Variants in DCAF1 observed in about 807,000 individuals in gnomAD.
DCAF1 encodes the protein DDB1- and CUL4-associated factor 1.
DCAF1 carries 15 observed loss-of-function variants against 128.0 expected under a neutral mutation model. The ratio of observed to expected loss-of-function variants is 0.12; its 90% CI spans 0.08 to 0.18. The LOEUF is 0.18. DCAF1 is among the 10% of genes least tolerant of loss of function. The pLI is 1.00. For synonymous variants in DCAF1, 610 were observed against 603.0 expected, an observed-to-expected ratio of 1.01 and a Z score of -0.17; for missense variants, 988 against 1,649.5, an observed-to-expected ratio of 0.60 and a Z score of 6.95.
intron 24 of DCAF1, among the ~76,000 whole-genome samples, chr3:51,402,117 TAACTAG>T (rs2089746435): frequency 6.6e-6 from 1 of 152,076 alleles, no homozygotes; most frequent in Non-Finnish European, 1.5e-5. Context: ...TAATGGGAAA[TAACTAG>T]AAGAACTGGA....
At chr3:51,497,416 G>A (rs575088060) in intron 1 of DCAF1, among the ~76,000 whole-genome samples, 294 of 151,734 alleles carry the variant, frequency 1.9e-3, no homozygotes, top group Non-Finnish European at 2.4e-3. Flanking sequence ...GTGAAACCCC[G>A]TGTCTACTAA....
chr3:51,498,351 C>T (rs1274651322), intron 1 of DCAF1, among the ~76,000 whole-genome samples: 1 of 144,532 alleles, frequency 6.9e-6, no homozygotes, highest in African/African-American at 2.6e-5. Flanking sequence ...CAGAATGAGA[C>T]GCTGTCTCAA....
chr3:51,495,971 GC>G (rs1708191198), intron 2 of DCAF1, among the ~76,000 whole-genome samples: 1 of 150,304 alleles, frequency 6.7e-6, no homozygotes, highest in African/African-American at 2.5e-5. Context: ...TCCAGCCAGA[GC>G]AAAAGTGCGA....
At chr3:51,445,132 TAATAC>T (rs1164319032) in intron 6 of DCAF1, among the ~76,000 whole-genome samples, 1 of 152,000 alleles carries the variant, frequency 6.6e-6, no homozygotes, top group Non-Finnish European at 1.5e-5. Context: ...TAAAAATAAA[TAATAC>T]ATTAAATTTT....
intron 2 of DCAF1, among the ~76,000 whole-genome samples, chr3:51,493,354 A>G (rs1394503269): frequency 6.6e-6 from 1 of 152,106 alleles, no homozygotes; most frequent in East Asian, 1.9e-4. Context: ...CTGAGGCAGG[A>G]GAACCGCTTG....
Position 51,483,846 on chromosome 3 carries a change from C to T in DCAF1, c.-8-10G>A, listed in dbSNP as rs782154479. On this transcript the variant is annotated splice_polypyrimidine_tract_variant and intron_variant, in intron 2 of 24. Transcript: ENST00000684031. ...GTAGTCATGGCTTTGCCTAAGGAAG[C>T]AAAAATAAAAATAAAAAAGACAACC... 2.7e-5 allele frequency: 43 copies of T among 1,566,586 alleles called. No individual in the cohort carries two copies. The African/African-American group carries it at 5.2e-4, about 19-fold the overall frequency.
chr3:51,406,126 G>T (rs1029828046), intron 23 of DCAF1, among the ~76,000 whole-genome samples: 2 of 151,826 alleles, frequency 1.3e-5, no homozygotes, highest in Admixed American at 6.6e-5. Flanking sequence ...GGCAGATCAC[G>T]AGGTAAGGAG....
chr3:51,426,708 A>G (rs1311967040), intron 13 of DCAF1, among the ~76,000 whole-genome samples: 5 of 152,206 alleles, frequency 3.3e-5, no homozygotes, highest in African/African-American at 1.2e-4. Flanking sequence ...CAAACTTACT[A>G]TATTCCCCTA....
At chr3:51,485,619 G>C (rs782793200) in intron 2 of DCAF1, among the ~76,000 whole-genome samples, 8 of 152,302 alleles carry the variant, frequency 5.3e-5, no homozygotes, top group Non-Finnish European at 1.0e-4. Flanking sequence ...ATTCCATAAA[G>C]AGTTTCACAT....
chr3:51,457,883 A>C (rs1324827495), intron 6 of DCAF1, among the ~76,000 whole-genome samples: 1 of 152,218 alleles, frequency 6.6e-6, no homozygotes, highest in Non-Finnish European at 1.5e-5. Flanking sequence ...TGTCACCACC[A>C]GGCCTGCCTT....
chr3:51,417,967 A>C (rs1699049288), intron 17 of DCAF1, 149 bp downstream of exon 17: 2 of 994,324 alleles, frequency 2.0e-6, no homozygotes, highest in African/African-American at 1.6e-5. Context: ...AAGTCTTATT[A>C]AACATGAGTC....
chr3:51,410,817 T>G (rs1251509842), intron 23 of DCAF1, among the ~76,000 whole-genome samples: 1 of 152,236 alleles, frequency 6.6e-6, no homozygotes, highest in Non-Finnish European at 1.5e-5. Flanking sequence ...TCCCCGGTCC[T>G]GTGATGCCAC....
At chr3:51,409,059 G>A (rs1165726908) in intron 23 of DCAF1, among the ~76,000 whole-genome samples, 1 of 152,116 alleles carries the variant, frequency 6.6e-6, no homozygotes, top group Non-Finnish European at 1.5e-5. Flanking sequence ...TCACGCTGAG[G>A]CAGCCTCTTG....
At chr3:51,410,586 T>TATTA (rs1698313536) in intron 23 of DCAF1, among the ~76,000 whole-genome samples, 1 of 152,208 alleles carries the variant, frequency 6.6e-6, no homozygotes, top group African/African-American at 2.4e-5. Context: ...TTTGCCCTAG[T>TATTA]ATTAGACTTA....
chr3:51,402,997 G>C (rs2089841852), intron 24 of DCAF1, 146 bp downstream of exon 24: 1 of 1,320,502 alleles, frequency 7.6e-7, no homozygotes, highest in Non-Finnish European at 1.0e-6. Flanking sequence ...AGATGCAAAG[G>C]TGCTTTGCCT....
At chr3:51,430,611 T>C (rs1577120004) in intron 10 of DCAF1, among the ~76,000 whole-genome samples, 2 of 152,318 alleles carry the variant, frequency 1.3e-5, no homozygotes, top group East Asian at 3.9e-4. Context: ...ATTCATTCTC[T>C]GGTTAATTCA....
At chr3:51,491,443 T>A (rs1051526859) in intron 2 of DCAF1, among the ~76,000 whole-genome samples, 8 of 151,524 alleles carry the variant, frequency 5.3e-5, no homozygotes, top group Non-Finnish European at 8.8e-5. Flanking sequence ...GACATAAGGA[T>A]CAACACAGAG....
chr3:51,416,771 G>A lies in DCAF1; in HGVS notation c.3603+16C>T, dbSNP rs1553630506. 4 of 1,602,420 alleles carry A rather than the reference G, an allele frequency of 2.5e-6. No individual in the cohort carries two copies. Among genetic ancestry groups the A allele is most frequent in the Non-Finnish European group, 3.4e-6 (4 of 1,173,982 alleles). ...GGGTATGATCAGCTTGAAAACAGTG[G>A]TTCTTAAGTACTTACGTGGGCAATG... is the stretch of plus-strand genomic sequence containing the variant. On this transcript the variant is annotated intron_variant, in intron 18 of 24. Coordinates refer to ENST00000684031, the MANE Select transcript of DCAF1 (RefSeq NM_001387579.1).
intron 6 of DCAF1, among the ~76,000 whole-genome samples, chr3:51,451,769 A>C (rs1553641564): frequency 6.6e-6 from 1 of 152,116 alleles, no homozygotes; most frequent in Non-Finnish European, 1.5e-5. Context: ...TCTCAAAAAA[A>C]AAAAAAAAGA....
Sources: gnomAD v4.1 joint callset for allele counts (sites outside exome capture counted in the v4.1 genomes callset) on GRCh38, gnomAD v4.1.1 for gene constraint, MANE v1.5 for transcripts, NCBI Gene and HGNC (gene_info 2026-07-23, HGNC 2026-07-21) for gene names.